Variants in GABPB2 observed in about 807,000 individuals in gnomAD.
The protein encoded by GABPB2 is GA-binding protein subunit beta-2.
GABPB2 carries 23 observed loss-of-function variants against 39.1 expected under a neutral mutation model. The ratio of observed to expected loss-of-function variants is 0.59; its 90% CI spans 0.42 to 0.83. The LOEUF (loss-of-function observed/expected upper bound fraction) is 0.83, where lower values mean the gene tolerates loss of function less well. Ranked by LOEUF, GABPB2 falls within the 40% of genes least tolerant of loss-of-function variation. The pLI is 0.00. For missense variants in GABPB2, 467 were observed against 541.1 expected (o/e 0.86, Z 1.36); for synonymous variants, 184 against 199.3 (o/e 0.92, Z 0.65).
At chr1:151,103,044 CTTTTTTTT>C (rs376522230) in intron 5 of GABPB2, among the ~76,000 whole-genome samples, 1 of 88,240 alleles carries the variant, frequency 1.1e-5, no homozygotes, top group African/African-American at 4.5e-5. Context: ...ACAAAGTATA[CTTTTTTTT>C]TTTTTTTTTT....
chr1:151,114,099 A>G lies in GABPB2; in HGVS notation c.923-3293A>G, dbSNP rs899543846. Among the ~76,000 whole-genome samples, 13 of 152,066 alleles carry G rather than the reference A, an allele frequency of 8.5e-5. 3 individuals are homozygous for G. Among genetic ancestry groups the G allele is most frequent in the Admixed American group, 8.5e-4 (13 of 15,230 alleles). On this transcript the variant is annotated intron_variant, in intron 7 of 8. Coordinates refer to ENST00000368918, the MANE Select transcript of GABPB2 (RefSeq NM_144618.3). The stretch of plus-strand genomic sequence containing the variant: ...AGTGGCTCATGCCTATAATCCCAGC[A>G]CTTTGGGAGGACTACGCCGGCAGAT...
At chr1:151,084,134 A>G (rs186742383) in intron 1 of GABPB2, among the ~76,000 whole-genome samples, 6 of 150,850 alleles carry the variant, frequency 4.0e-5, no homozygotes, top group Admixed American at 2.0e-4. Flanking sequence ...GTAGTCTCTT[A>G]CTCCTGGGCT....
At position 151,118,176 on chromosome 1, in the gene GABPB2, G is replaced by C; in HGVS notation, c.1267G>C (p.Glu423Gln). ...AVVVTEGELE[E>Q]RETKVTGSAG... ...AGTAGTCACAGAGGGGGAGTTGGAA[G>C]AGAGAGAGACAAAAGTGACTGGGTC... The change falls in exon 9 of 9, where the codon GAG becomes CAG. Residue 423 changes from glutamate (E) to glutamine (Q), a missense_variant. Physicochemically the swap from Glu to Gln is conservative, Grantham distance 29. Transcript: ENST00000368918. The C allele has an allele frequency of 6.2e-7, 1 of 1,614,066 alleles. No homozygotes were observed. Among genetic ancestry groups the C allele is most frequent in the South Asian group, 1.1e-5 (1 of 91,082 alleles).
intron 7 of GABPB2, 113 bp downstream of exon 7, chr1:151,107,335 A>T: frequency 1.7e-5 from 10 of 579,616 alleles, no homozygotes; most frequent in East Asian, 3.9e-5. Flanking sequence ...GCCAGATGCA[A>T]GTTGGGGCAA....
In GABPB2 at chr1:151,117,410, G is replaced by C; in HGVS notation, c.941G>C (p.Gly314Ala). 6.2e-7 allele frequency: 1 copy of C among 1,613,798 alleles called. No homozygotes were observed. The highest frequency in any genetic ancestry group is 8.5e-7 in the Non-Finnish European group (1 of 1,179,762). Reference protein sequence around the residue: ...DGQQVLTVPAGKVAEETVIKE... With the variant: ...DGQQVLTVPAAKVAEETVIKE... ...CTTGTAGTTCTAACTGTACCTGCTG[G>C]TAAGGTTGCAGAGGAGACTGTAATT... Residue 314 changes from glycine (G) to alanine (A), a missense_variant, in exon 8 of 9, where the codon GGT becomes GCT. Transcript: ENST00000368918.
At chr1:151,082,433 G>A (rs1195545414) in intron 1 of GABPB2, among the ~76,000 whole-genome samples, 1 of 107,188 alleles carries the variant, frequency 9.3e-6, no homozygotes, top group African/African-American at 3.8e-5. Context: ...ACGGAGTCTT[G>A]CTCTGTCGCC....
At chr1:151,108,831 A>G (rs1372515534) in intron 7 of GABPB2, among the ~76,000 whole-genome samples, 1 of 152,184 alleles carries the variant, frequency 6.6e-6, no homozygotes, top group Non-Finnish European at 1.5e-5. Flanking sequence ...AAAAAGACAT[A>G]GTTAAAATTT....
chr1:151,102,862 T>A (rs142814751), intron 5 of GABPB2, among the ~76,000 whole-genome samples: 92 of 152,238 alleles, frequency 6.0e-4, no homozygotes, highest in African/African-American at 2.0e-3. Context: ...TATTCCCTTA[T>A]CACTGCTGAG....
At chr1:151,105,196 G>A (rs587649031) in intron 6 of GABPB2, among the ~76,000 whole-genome samples, 15 of 151,682 alleles carry the variant, frequency 9.9e-5, no homozygotes, top group African/African-American at 3.1e-4. Context: ...GTGAGCCACC[G>A]CGCCTGGCCC....
chr1:151,079,441 C>T lies in GABPB2; in HGVS notation c.-1+8507C>T, dbSNP rs140817618. Among the ~76,000 whole-genome samples, 754 of 151,940 alleles carry T rather than the reference C, an allele frequency of 5.0e-3. 26 individuals carry two copies. The South Asian group carries it at 0.074, about 15-fold the overall frequency. The stretch of plus-strand genomic sequence containing the variant: ...CCTGTAATCCCAGCTACTCAGGAGG[C>T]GAGGCAAGAGAATCGCTTGAATCCA... On this transcript the variant is annotated intron_variant, in intron 1 of 8. Coordinates refer to ENST00000368918, the MANE Select transcript of GABPB2 (RefSeq NM_144618.3).
intron 1 of GABPB2, among the ~76,000 whole-genome samples, chr1:151,080,965 C>T (rs587757496): frequency 6.0e-5 from 9 of 150,802 alleles, no homozygotes; most frequent in South Asian, 4.2e-4. Context: ...CTCTGCCTCC[C>T]GGGTTCACGC....
At position 151,122,002 on chromosome 1, in the gene GABPB2, GA is replaced by G. The variant is rs1436236386; in HGVS notation, c.*3752del. 6.6e-6 allele frequency: 1 copy of G among 152,116 alleles called. No homozygotes were observed. Among genetic ancestry groups the G allele is most frequent in the African/African-American group, 2.4e-5 (1 of 41,432 alleles). The allele number at this position is 152,116 out of a possible 1,614,324, so 9.4% of individuals were successfully genotyped here. The stretch of plus-strand genomic sequence containing the variant: ...GGGGAAAACATGCATTTTTAATTTG[GA>G]AAAAACCTGACAGTTAACATGGTTC... On this transcript the variant is annotated 3_prime_UTR_variant, in exon 9 of 9. Coordinates refer to ENST00000368918, the MANE Select transcript of GABPB2 (RefSeq NM_144618.3).
intron 7 of GABPB2, among the ~76,000 whole-genome samples, chr1:151,109,852 A>T (rs1168800511): frequency 6.7e-6 from 1 of 148,622 alleles, no homozygotes; most frequent in East Asian, 2.0e-4. Flanking sequence ...TTATTTTTTT[A>T]ATTTTAGACA....
Position 151,090,388 on chromosome 1 carries a change from A to C in GABPB2, c.109-18A>C, listed in dbSNP as rs1420197590. The C allele has an allele frequency of 1.9e-6, 3 of 1,611,676 alleles. No homozygotes were observed. Among genetic ancestry groups the C allele is most frequent in the South Asian group, 1.1e-5 (1 of 90,952 alleles). Reference sequence around the variant, plus strand: ...CTCTGCACACAGTGGATATTCAATGAGCATTATTTTTCCACAGCTTGGAAC... The same window carrying C: ...CTCTGCACACAGTGGATATTCAATGCGCATTATTTTTCCACAGCTTGGAAC... On this transcript the variant is annotated intron_variant, in intron 2 of 8. Transcript: ENST00000368918.
At chr1:151,083,786 G>C (rs150297207) in intron 1 of GABPB2, among the ~76,000 whole-genome samples, 1 of 150,974 alleles carries the variant, frequency 6.6e-6, no homozygotes, top group Non-Finnish European at 1.5e-5. Flanking sequence ...GTGTCACCCA[G>C]ATTGAAGTGC....
chr1:151,078,144 C>A (rs1677347567), intron 1 of GABPB2, among the ~76,000 whole-genome samples: 1 of 151,198 alleles, frequency 6.6e-6, no homozygotes, highest in Non-Finnish European at 1.5e-5. Context: ...GTGGCACGAG[C>A]CTGTAGTCCG....
In GABPB2 at chr1:151,118,398, G is replaced by T; in HGVS notation, c.*142G>T. 1 of 775,914 alleles carries T rather than the reference G, an allele frequency of 1.3e-6. No individual in the cohort carries two copies. The highest frequency in any genetic ancestry group is 2.9e-5 in the South Asian group (1 of 35,062). 48.1% of individuals were successfully genotyped at this position (775,914 alleles called of 1,614,324 possible). A position where few individuals can be genotyped will look rare whatever the true frequency, so the allele number is the denominator to read the frequency against. On this transcript the variant is annotated 3_prime_UTR_variant, in exon 9 of 9. Coordinates refer to ENST00000368918, the MANE Select transcript of GABPB2 (RefSeq NM_144618.3). ...AGGGTACAATGCTTGGGCTCAGGAA[G>T]TTTCTCTGTGCAACTAGAAAATTCA... is the stretch of plus-strand genomic sequence containing the variant.
chr1:151,079,185 G>A (rs1677440731), intron 1 of GABPB2, among the ~76,000 whole-genome samples: 1 of 152,036 alleles, frequency 6.6e-6, no homozygotes, highest in Non-Finnish European at 1.5e-5. Flanking sequence ...TGAAAGAATG[G>A]GATGACAGAT....
intron 5 of GABPB2, among the ~76,000 whole-genome samples, chr1:151,099,357 C>T (rs980576128): frequency 6.6e-6 from 1 of 151,742 alleles, no homozygotes; most frequent in Non-Finnish European, 1.5e-5. Flanking sequence ...GCCACCACGC[C>T]CAGCTAATTT....
Sources: gnomAD v4.1 joint callset for allele counts (sites outside exome capture counted in the v4.1 genomes callset) on GRCh38, gnomAD v4.1.1 for gene constraint, MANE v1.5 for transcripts, NCBI Gene and HGNC (gene_info 2026-07-23, HGNC 2026-07-21) for gene names.